Variants in TIMD4 observed in about 807,000 individuals in gnomAD.
TIMD4 encodes T cell immunoglobulin and mucin domain containing 4, also known as T-cell immunoglobulin and mucin domain-containing protein 4.
Under a neutral mutation model 41.2 loss-of-function variants are expected in TIMD4, and 31 were observed. The observed-to-expected ratio is 0.75, with a 90% confidence interval of 0.57 to 1.01. The LOEUF is 1.01. TIMD4 is among the 50% of genes least tolerant of loss of function. TIMD4 has a pLI of 0.00. For synonymous variants in TIMD4, 204 were observed against 177.1 expected (o/e 1.15, Z -1.21); for missense variants, 479 against 472.5 (o/e 1.01, Z -0.13).
rs1561551819 is a variant in TIMD4 at position 156,948,486 on chromosome 5, C to A, written c.774G>T (p.Trp258Cys). Residue 258 changes from tryptophan to cysteine, a missense_variant, in exon 5 of 9, where the codon TGG becomes TGT. Trp to Cys is a radical substitution (Grantham distance 215). Coordinates refer to ENST00000274532, the MANE Select transcript of TIMD4 (RefSeq NM_138379.3). ...ACACGTGGGATGTTGATGGGAGATC[C>A]CAAACTTTGGACTCTTTGGAAAAAC... is the stretch of plus-strand genomic sequence containing the variant. ...VLLTSKESKV[W>C]DLPSTSHVSM... The A allele has an allele frequency of 3.2e-6, 5 of 1,550,356 alleles. No individual in the cohort carries two copies. The African/African-American group carries it at 5.5e-5, about 17-fold the overall frequency.
At chr5:156,955,018 C>G (rs1759945389) in intron 1 of TIMD4, among the ~76,000 whole-genome samples, 1 of 152,078 alleles carries the variant, frequency 6.6e-6, no homozygotes, top group Non-Finnish European at 1.5e-5. Context: ...GCTGGGACCA[C>G]AGGTGCGTGG....
intron 5 of TIMD4, among the ~76,000 whole-genome samples, chr5:156,934,478 G>A (rs568696277): frequency 6.6e-6 from 1 of 152,148 alleles, no homozygotes; most frequent in African/African-American, 2.4e-5. Context: ...TTTTGGTAGA[G>A]ATGGAGTTTT....
chr5:156,920,544 T>A (rs1457910848), intron 7 of TIMD4, 41 bp from the exon 8 acceptor site: 1 of 1,607,414 alleles, frequency 6.2e-7, no homozygotes, highest in Non-Finnish European at 8.5e-7. Flanking sequence ...GTGGCTGCGG[T>A]GCATAGAACA....
chr5:156,958,835 T>C (rs1437322032), intron 1 of TIMD4, among the ~76,000 whole-genome samples: 6 of 152,338 alleles, frequency 3.9e-5, no homozygotes, highest in Admixed American at 3.3e-4. Flanking sequence ...ATTTATTCCA[T>C]GGAATTCTAT....
intron 7 of TIMD4, among the ~76,000 whole-genome samples, chr5:156,921,891 G>A (rs576416691): frequency 5.9e-4 from 90 of 152,196 alleles, no homozygotes; most frequent in African/African-American, 2.1e-3. Flanking sequence ...TTTCCAAAAC[G>A]TAAACTCTAC....
At chr5:156,951,401 C>A in intron 3 of TIMD4, 111 bp downstream of exon 3, 1 of 1,307,882 alleles carries the variant, frequency 7.6e-7, no homozygotes, top group Non-Finnish European at 1.1e-6. Context: ...GACTAATATA[C>A]GCATGTGTAC....
chr5:156,955,775 A>G (rs1759959714), intron 1 of TIMD4, among the ~76,000 whole-genome samples: 1 of 152,218 alleles, frequency 6.6e-6, no homozygotes, highest in African/African-American at 2.4e-5. Context: ...AGAATTGGAA[A>G]TTACTTAGAC....
intron 6 of TIMD4, among the ~76,000 whole-genome samples, chr5:156,925,006 G>A (rs1049730803): frequency 1.3e-5 from 2 of 150,478 alleles, no homozygotes; most frequent in Non-Finnish European, 2.9e-5. Context: ...AAAAGAAAAA[G>A]AGAGAGAGAG....
chr5:156,937,608 T>C lies in TIMD4; in HGVS notation c.844+10808A>G, dbSNP rs1242083377. On this transcript the variant is annotated intron_variant, in intron 5 of 8. Transcript: ENST00000274532. ...TCAACAGCTCACCCCTTATTTCTTTTTCACTCTTTGTTTGTCTTACATGGA... is the reference window on the plus strand; with the variant it reads ...TCAACAGCTCACCCCTTATTTCTTTCTCACTCTTTGTTTGTCTTACATGGA... Among the ~76,000 whole-genome samples the C allele has an allele frequency of 1.8e-4, 27 of 152,198 alleles. 1 individual carries two copies. Among genetic ancestry groups the C allele is most frequent in the Admixed American group, 1.8e-3 (27 of 15,278 alleles).
chr5:156,946,351 A>T (rs1300502457), intron 5 of TIMD4, among the ~76,000 whole-genome samples: 1 of 152,160 alleles, frequency 6.6e-6, no homozygotes, highest in Non-Finnish European at 1.5e-5. Context: ...TTCCCACTGT[A>T]TGAGTTAGTG....
chr5:156,942,416 T>C (rs1759666170), intron 5 of TIMD4, among the ~76,000 whole-genome samples: 1 of 152,180 alleles, frequency 6.6e-6, no homozygotes, highest in Non-Finnish European at 1.5e-5. Context: ...GGGTCTCAAT[T>C]TCCTATCTTC....
At chr5:156,929,283 T>C (rs75152650) in intron 5 of TIMD4, among the ~76,000 whole-genome samples, 2,021 of 152,228 alleles carry the variant, frequency 0.013, 35 homozygotes, top group East Asian at 0.066. Flanking sequence ...CACATGTACA[T>C]TGAGACAAAG....
At chr5:156,955,516 C>T (rs1166124616) in intron 1 of TIMD4, among the ~76,000 whole-genome samples, 4 of 152,016 alleles carry the variant, frequency 2.6e-5, no homozygotes, top group Non-Finnish European at 4.4e-5. Flanking sequence ...ATTAGCCGGG[C>T]GTGGTGGCAG....
chr5:156,946,578 G>C (rs148481403), intron 5 of TIMD4, among the ~76,000 whole-genome samples: 104 of 151,970 alleles, frequency 6.8e-4, no homozygotes, highest in Non-Finnish European at 1.4e-3. Context: ...CCAGGTTCAC[G>C]CCATTCTCCT....
intron 5 of TIMD4, among the ~76,000 whole-genome samples, chr5:156,940,311 T>C (rs1759619282): frequency 1.3e-5 from 2 of 152,158 alleles, no homozygotes; most frequent in African/African-American, 4.8e-5. Flanking sequence ...TGCTACAACC[T>C]CCACCTCCCA....
chr5:156,938,903 A>G (rs1304430892), intron 5 of TIMD4, among the ~76,000 whole-genome samples: 1 of 152,116 alleles, frequency 6.6e-6, no homozygotes, highest in Non-Finnish European at 1.5e-5. Flanking sequence ...TTGCCAGCCC[A>G]GCTTCCTCGG....
chr5:156,924,143 A>G (rs754420542), intron 6 of TIMD4: 1 of 377,494 alleles, frequency 2.6e-6, no homozygotes, highest in Non-Finnish European at 5.0e-6. Context: ...TTAGAGGTCC[A>G]TGGGGCTGAC....
intron 5 of TIMD4, among the ~76,000 whole-genome samples, chr5:156,947,754 C>T (rs953706207): frequency 1.3e-5 from 2 of 152,088 alleles, no homozygotes; most frequent in Non-Finnish European, 2.9e-5. Flanking sequence ...TATGTAGACA[C>T]ATAAGGGAAT....
intron 5 of TIMD4, 59 bp from the exon 6 acceptor site, chr5:156,926,371 TC>T (rs1759347936): frequency 6.4e-7 from 1 of 1,559,252 alleles, no homozygotes; most frequent in Admixed American, 1.7e-5. Flanking sequence ...AAATATCACA[TC>T]CTGAAATAGG....
Sources: gnomAD v4.1 joint callset for allele counts (sites outside exome capture counted in the v4.1 genomes callset) on GRCh38, gnomAD v4.1.1 for gene constraint, MANE v1.5 for transcripts, NCBI Gene and HGNC (gene_info 2026-07-23, HGNC 2026-07-21) for gene names.